PCDH7: variants seen among roughly 807,000 people sequenced by gnomAD.
PCDH7 encodes the protein protocadherin-7.
In PCDH7, 17 loss-of-function variants were observed where a neutral mutation model predicts 58.9. The ratio of observed to expected loss-of-function variants is 0.29; its 90% CI spans 0.20 to 0.43. The LOEUF (loss-of-function observed/expected upper bound fraction) is 0.43, where lower values mean the gene tolerates loss of function less well. PCDH7 is among the 20% of genes least tolerant of loss of function. The pLI, the probability that PCDH7 is intolerant of heterozygous loss-of-function variation, is 1.00. For missense variants in PCDH7, 1,274 were observed against 1,441.0 expected (o/e 0.88, Z 1.88); for synonymous variants, 664 against 616.4 (o/e 1.08, Z -1.14).
At chr4:30,864,959 G>A (rs1388179481) in intron 1 of PCDH7, among the ~76,000 whole-genome samples, 1 of 152,050 alleles carries the variant, frequency 6.6e-6, no homozygotes, top group Non-Finnish European at 1.5e-5. Context: ...ACATAAATTA[G>A]TACTGAGTGT....
intron 3 of PCDH7, among the ~76,000 whole-genome samples, chr4:31,092,929 C>T (rs1713446341): frequency 6.6e-6 from 1 of 152,010 alleles, no homozygotes; most frequent in Admixed American, 6.6e-5. Flanking sequence ...ACAATTTTGT[C>T]TTTATATAGA....
At chr4:30,852,661 CAT>C (rs984427671) in intron 1 of PCDH7, among the ~76,000 whole-genome samples, 2 of 151,924 alleles carry the variant, frequency 1.3e-5, no homozygotes, top group Non-Finnish European at 2.9e-5. Context: ...AAACTTTGCA[CAT>C]GAGCCTCTTA....
chr4:30,898,479 C>T (rs1305608251), intron 1 of PCDH7, among the ~76,000 whole-genome samples: 3 of 152,168 alleles, frequency 2.0e-5, no homozygotes, highest in Non-Finnish European at 2.9e-5. Context: ...TTTTTAACTC[C>T]GCAGATCACA....
chr4:30,742,155 G>A (rs546494024), intron 1 of PCDH7, among the ~76,000 whole-genome samples: 1 of 152,060 alleles, frequency 6.6e-6, no homozygotes, highest in Admixed American at 6.5e-5. Context: ...GAGAATTCAT[G>A]GCTATTAATT....
chr4:31,113,127 A>G (rs1716532244), intron 3 of PCDH7, among the ~76,000 whole-genome samples: 3 of 151,974 alleles, frequency 2.0e-5, no homozygotes, highest in Non-Finnish European at 4.4e-5. Flanking sequence ...GTATTTAGAG[A>G]TTGTTTATTG....
At chr4:31,079,912 G>T (rs1283900626) in intron 3 of PCDH7, among the ~76,000 whole-genome samples, 1 of 152,008 alleles carries the variant, frequency 6.6e-6, no homozygotes, top group Non-Finnish European at 1.5e-5. Context: ...GAATAAAAAA[G>T]GAACACAAAA....
intron 3 of PCDH7, among the ~76,000 whole-genome samples, chr4:31,119,184 G>A (rs960246322): frequency 1.3e-5 from 2 of 152,054 alleles, no homozygotes; most frequent in African/African-American, 4.8e-5. Context: ...TCTCTGTTAT[G>A]TTTCATGCCA....
chr4:30,994,451 C>T (rs1419031724), intron 3 of PCDH7, among the ~76,000 whole-genome samples: 6 of 152,182 alleles, frequency 3.9e-5, no homozygotes, highest in Non-Finnish European at 8.8e-5. Context: ...TATCTTCGTT[C>T]TGTACCACAA....
intron 3 of PCDH7, among the ~76,000 whole-genome samples, chr4:30,983,876 T>A (rs1750764690): frequency 6.6e-6 from 1 of 152,176 alleles, no homozygotes; most frequent in South Asian, 2.1e-4. Context: ...TATATTTCCA[T>A]TTGTCTGTTG....
chr4:30,988,324 A>G (rs1469355565), intron 3 of PCDH7, among the ~76,000 whole-genome samples: 1 of 152,166 alleles, frequency 6.6e-6, no homozygotes, highest in African/African-American at 2.4e-5. Context: ...GAATAATTAG[A>G]CTCAGAATAT....
intron 2 of PCDH7, among the ~76,000 whole-genome samples, chr4:30,946,898 G>C (rs1253755438): frequency 1.3e-5 from 2 of 152,020 alleles, no homozygotes; most frequent in Non-Finnish European, 2.9e-5. Context: ...TTTTAGTAGG[G>C]ATGGGGTTTT....
At position 31,101,751 on chromosome 4, in the gene PCDH7, A is replaced by G. The variant is rs573985252; in HGVS notation, c.*8-40722A>G. The stretch of plus-strand genomic sequence containing the variant: ...AATGTTTCAAAACCAAGCATATTAT[A>G]TAAATGCATTGAGTATAGTTTTTAT... On this transcript the variant is annotated intron_variant, in intron 3 of 3. Transcript: ENST00000509759. Among the ~76,000 whole-genome samples the G allele has an allele frequency of 1.3e-3, 195 of 152,334 alleles. 1 individual carries two copies. Among genetic ancestry groups the G allele is most frequent in the African/African-American group, 4.2e-3 (173 of 41,566 alleles).
intron 1 of PCDH7, among the ~76,000 whole-genome samples, chr4:30,784,797 G>T (rs1723200831): frequency 6.6e-6 from 1 of 151,918 alleles, no homozygotes; most frequent in African/African-American, 2.4e-5. Context: ...GGGAAAAAAA[G>T]GGGCAAAATG....
intron 1 of PCDH7, among the ~76,000 whole-genome samples, chr4:30,894,516 TACACACACACACACACACAC>T (rs55942705): frequency 6.2e-5 from 2 of 32,202 alleles, no homozygotes; most frequent in African/African-American, 1.5e-4. Flanking sequence ...TATATATATA[TACACACACACACACACACAC>T]ACACACACAC....
At position 30,768,895 on chromosome 4, in the gene PCDH7, G is replaced by A. The variant is rs529302332; in HGVS notation, c.70+44299G>A. ...ATTTTAAGCTAAATTTCTTCATGGA[G>A]TTATTGAGGATGAAATCAAGTCGAG... On this transcript the variant is annotated intron_variant, in intron 1 of 3. Coordinates refer to the PCDH7 transcript ENST00000509759. Among the ~76,000 whole-genome samples the A allele has an allele frequency of 1.3e-4, 20 of 152,312 alleles. No individual in the cohort carries two copies. The South Asian group carries it at 3.5e-3, about 27-fold the overall frequency.
At chr4:30,802,917 G>A (rs1262741187) in intron 1 of PCDH7, among the ~76,000 whole-genome samples, 2 of 152,158 alleles carry the variant, frequency 1.3e-5, no homozygotes, top group Admixed American at 6.5e-5. Context: ...AGGAGGAGGA[G>A]GAGAGCAAAC....
chr4:30,779,164 C>G (rs894893545), intron 1 of PCDH7, among the ~76,000 whole-genome samples: 1 of 151,854 alleles, frequency 6.6e-6, no homozygotes, highest in African/African-American at 2.4e-5. Context: ...GGGATTATTA[C>G]AGGTGCTCAC....
intron 3 of PCDH7, among the ~76,000 whole-genome samples, chr4:30,972,426 T>C (rs1749674249): frequency 6.6e-6 from 1 of 152,188 alleles, no homozygotes; most frequent in Non-Finnish European, 1.5e-5. Flanking sequence ...AGGTTATAAA[T>C]GGTGAACCAC....
At chr4:30,968,645 G>T (rs1749268132) in intron 3 of PCDH7, among the ~76,000 whole-genome samples, 1 of 151,752 alleles carries the variant, frequency 6.6e-6, no homozygotes, top group African/African-American at 2.4e-5. Flanking sequence ...GATTAATTCA[G>T]TTCACTTGCC....
Sources: allele counts gnomAD v4.1 joint callset (sites outside exome capture counted in the v4.1 genomes callset), GRCh38; gene constraint gnomAD v4.1.1; transcripts MANE v1.5; gene names NCBI Gene and HGNC (gene_info 2026-07-23, HGNC 2026-07-21).